DYNC2H1: variants seen among roughly 807,000 people sequenced by gnomAD.
The protein encoded by DYNC2H1 is cytoplasmic dynein 2 heavy chain 1.
In DYNC2H1, 410 loss-of-function variants were observed where a neutral mutation model predicts 570.0. The observed-to-expected ratio is 0.72, with a 90% confidence interval of 0.66 to 0.78. The LOEUF (loss-of-function observed/expected upper bound fraction) is 0.78. Ranked by LOEUF, DYNC2H1 falls within the 30% of genes least tolerant of loss-of-function variation. The probability of loss-of-function intolerance (pLI) is 0.00; values close to 1 mark genes in which losing one functional copy is unlikely to be tolerated. For synonymous variants in DYNC2H1, 1,688 were observed against 1,677.6 expected, an observed-to-expected ratio of 1.01 and a Z score of -0.15; for missense variants, 4,865 against 5,046.4, an observed-to-expected ratio of 0.96 and a Z score of 1.09.
intron 83 of DYNC2H1, among the ~76,000 whole-genome samples, chr11:103,360,530 A>T (rs1940588023): frequency 1.3e-5 from 2 of 152,174 alleles, no homozygotes; most frequent in Non-Finnish European, 2.9e-5. Flanking sequence ...TTAACTACTC[A>T]TTTAACATTT....
rs1331454489 is a variant in DYNC2H1, at chr11:103,243,747, A to C, written c.9874A>C (p.Lys3292Gln). ...DPSSQATEWLKTHLKDSRLEV... is the reference protein window; with the variant it reads ...DPSSQATEWLQTHLKDSRLEV... ...TTCTTCCCAAGCTACAGAGTGGTTA[A>C]AAACACATTTGAAAGACTCACGTTT... The change falls in exon 64 of 89, where the codon AAA becomes CAA. Residue 3292 changes from lysine to glutamine, a missense_variant. Transcript: ENST00000375735. This position sits in a 1 kb window ranked among gnomAD's most constrained non-coding sequence, Gnocchi z 4.8. The C allele has an allele frequency of 3.7e-6, 6 of 1,606,682 alleles. No individual in the cohort carries two copies. Among genetic ancestry groups the C allele is most frequent in the Non-Finnish European group, 5.1e-6 (6 of 1,176,138 alleles).
At chr11:103,301,349 C>T (rs1473135384) in intron 75 of DYNC2H1, among the ~76,000 whole-genome samples, 1 of 151,872 alleles carries the variant, frequency 6.6e-6, no homozygotes, top group Non-Finnish European at 1.5e-5. Flanking sequence ...ATTTTAATTA[C>T]TGATCAAGGC....
rs924565644 is a variant in DYNC2H1 at position 103,177,603 on chromosome 11, A to T, written c.5922A>T (p.Gly1974=). Residue 1974 remains glycine (G), a synonymous_variant, in exon 38 of 89, where the codon GGA becomes GGT. Transcript: ENST00000375735. The surrounding 1 kb of genome is among the most constrained non-coding windows in gnomAD (Gnocchi z 4.4). Reference sequence around the variant, plus strand: ...ATGAACAGTTATGCCAGAGGATGGGAGTTGTTATTGTTGGTCCAAGTGGTG... The same window carrying T: ...ATGAACAGTTATGCCAGAGGATGGGTGTTGTTATTGTTGGTCCAAGTGGTG... ...ELYEQLCQRM[G]VVIVGPSGAG... 1 of 1,612,996 alleles carries T rather than the reference A, an allele frequency of 6.2e-7. No homozygotes were observed. The highest frequency in any genetic ancestry group is 2.2e-5 in the East Asian group (1 of 44,830).
intron 84 of DYNC2H1, among the ~76,000 whole-genome samples, chr11:103,415,255 G>C (rs1943241664): frequency 6.6e-6 from 1 of 152,098 alleles, no homozygotes; most frequent in Admixed American, 6.6e-5. Context: ...CATAGGCATG[G>C]GCAAGGACTT....
chr11:103,187,337 T>C lies in DYNC2H1; in HGVS notation c.6894-3T>C, dbSNP rs779114291. ...AAAGTCAGATGTCATGCATTTTTCG[T>C]AGGATGCTGCTCAGGTACGCATTTT... is the stretch of plus-strand genomic sequence containing the variant. On this transcript the variant is annotated splice_polypyrimidine_tract_variant and splice_region_variant and intron_variant, in intron 42 of 88. Coordinates refer to ENST00000375735, the MANE Select transcript of DYNC2H1 (RefSeq NM_001377.3). The C allele has an allele frequency of 6.2e-7, 1 of 1,612,632 alleles. No homozygotes were observed. Among genetic ancestry groups the C allele is most frequent in the Non-Finnish European group, 8.5e-7 (1 of 1,179,138 alleles).
At chr11:103,300,179 A>G (rs991606741) in intron 75 of DYNC2H1, among the ~76,000 whole-genome samples, 3 of 152,020 alleles carry the variant, frequency 2.0e-5, no homozygotes, top group Non-Finnish European at 4.4e-5. Context: ...ACGGGAGTCA[A>G]TTTGTTCCTT....
At chr11:103,417,378 G>C (rs185853428) in intron 84 of DYNC2H1, among the ~76,000 whole-genome samples, 217 of 152,238 alleles carry the variant, frequency 1.4e-3, no homozygotes, top group African/African-American at 4.9e-3. Flanking sequence ...TAGGATTACA[G>C]GCGTGAGCCA....
At position 103,153,334 on chromosome 11, in the gene DYNC2H1, GT is replaced by G; in HGVS notation, c.3129del (p.Leu1044PhefsTer18). ...GTGATGAAAGGAAATGTGAAATCAC[GT>G]CTTCAGATCTATTATCAAGAACTGG... is the stretch of plus-strand genomic sequence containing the variant. ...IEVMKGNVKS[R>X]LQIYYQELEK... On this transcript the variant is annotated frameshift_variant, in exon 22 of 89. Transcript: ENST00000375735. LOFTEE classifies it high-confidence loss of function. The G allele has an allele frequency of 1.3e-6, 2 of 1,540,802 alleles. No homozygotes were observed. The highest frequency in any genetic ancestry group is 1.7e-6 in the Non-Finnish European group (2 of 1,144,296).
chr11:103,207,807 G>GATCAGATTTT (rs1862999257), intron 52 of DYNC2H1, among the ~76,000 whole-genome samples: 1 of 152,248 alleles, frequency 6.6e-6, no homozygotes, highest in South Asian at 2.1e-4. Context: ...ACTTAGATTT[G>GATCAGATTTT]ATCAGAATTG....
intron 3 of DYNC2H1, among the ~76,000 whole-genome samples, chr11:103,114,922 T>C (rs542642503): frequency 1.3e-5 from 2 of 152,214 alleles, no homozygotes; most frequent in African/African-American, 4.8e-5. Flanking sequence ...TTTAGCACTT[T>C]TTTGGGGGCC....
In DYNC2H1 at chr11:103,117,682, G is replaced by T. The variant is rs2134701487; in HGVS notation, c.818G>T (p.Trp273Leu). The T allele has an allele frequency of 6.2e-7, 1 of 1,611,402 alleles. No homozygotes were observed. The highest frequency in any genetic ancestry group is 2.2e-5 in the East Asian group (1 of 44,824). ...VQKKLGTLNL[W>L]EDPYYLVKES... ...AAAAAGTTGGGAACTTTGAACCTGTGGGAAGATCCTTATTATCTTGTGAAA... is the reference window on the plus strand; with the variant it reads ...AAAAAGTTGGGAACTTTGAACCTGTTGGAAGATCCTTATTATCTTGTGAAA... Residue 273 changes from tryptophan (W) to leucine (L), a missense_variant, in exon 6 of 89, where the codon TGG (tryptophan) becomes TTG (leucine). Transcript: ENST00000375735.
rs1937868699 is a variant in DYNC2H1 at position 103,316,745 on chromosome 11, A to AT, written c.11725+131dup. 7.6e-6 allele frequency: 5 copies of AT among 661,596 alleles called. 1 individual carries two copies. The highest frequency in any genetic ancestry group is 9.4e-6 in the Non-Finnish European group (4 of 424,364). 41.0% of individuals were successfully genotyped at this position (661,596 alleles called of 1,614,324 possible). A position where few individuals can be genotyped will look rare whatever the true frequency, so the allele number is the denominator to read the frequency against. Reference sequence around the variant, plus strand: ...AAAATTTGCTTGTGCTTTTTATTTTATTTTTTATTTGACTTCTATACCTGT... The same window carrying AT: ...AAAATTTGCTTGTGCTTTTTATTTTATTTTTTTATTTGACTTCTATACCTGT... On this transcript the variant is annotated intron_variant, in intron 80 of 88. Transcript: ENST00000375735.
chr11:103,276,733 G>A (rs1296861283), intron 70 of DYNC2H1, among the ~76,000 whole-genome samples: 1 of 151,728 alleles, frequency 6.6e-6, no homozygotes, highest in Admixed American at 6.6e-5. Flanking sequence ...ATTTTGTTTT[G>A]ATTATTATTT....
rs1012999296 is a variant in DYNC2H1, at chr11:103,275,375, CA to C, written c.10696-4972del. Among the ~76,000 whole-genome samples, 2 of 152,122 alleles carry C rather than the reference CA, an allele frequency of 1.3e-5. No individual in the cohort carries two copies. Among genetic ancestry groups the C allele is most frequent in the Non-Finnish European group, 2.9e-5 (2 of 68,012 alleles). On this transcript the variant is annotated intron_variant, in intron 70 of 88. Coordinates refer to ENST00000375735, the MANE Select transcript of DYNC2H1 (RefSeq NM_001377.3). This position sits in a 1 kb window ranked among gnomAD's most constrained non-coding sequence, Gnocchi z 4.8. ...CTAATCACCTGAAGTTCATAGTTTA[CA>C]TTAAAGTTCACTCTTGGTATTGTAC...
At chr11:103,250,436 T>C (rs1311788059) in intron 65 of DYNC2H1, among the ~76,000 whole-genome samples, 2 of 152,120 alleles carry the variant, frequency 1.3e-5, no homozygotes, top group East Asian at 1.9e-4. Flanking sequence ...TGGACTCCTA[T>C]TGATCACGTC....
Position 103,156,448 on chromosome 11 carries a change from C to CT in DYNC2H1, c.3808dup (p.Trp1270LeufsTer11). The CT allele has an allele frequency of 6.2e-7, 1 of 1,613,628 alleles. No homozygotes were observed. Among genetic ancestry groups the CT allele is most frequent in the Non-Finnish European group, 8.5e-7 (1 of 1,179,702 alleles). On this transcript the variant is annotated frameshift_variant, in exon 26 of 89. Transcript: ENST00000375735. LOFTEE classifies it high-confidence loss of function. ...CAGAGAAGCTTTACGTGAACTTGAT[C>CT]TTTGGGGAGTTGGAGCAGTGTTTAC...
intron 17 of DYNC2H1, among the ~76,000 whole-genome samples, chr11:103,136,541 C>G (rs974172320): frequency 6.6e-6 from 1 of 152,114 alleles, no homozygotes; most frequent in African/African-American, 2.4e-5. Context: ...CATGTCCCTA[C>G]AAAAGACATG....
intron 84 of DYNC2H1, among the ~76,000 whole-genome samples, chr11:103,412,636 T>C (rs1943132665): frequency 6.6e-6 from 1 of 152,180 alleles, no homozygotes; most frequent in South Asian, 2.1e-4. Flanking sequence ...AAATGGCTCT[T>C]CAATTTTTTA....
intron 82 of DYNC2H1, among the ~76,000 whole-genome samples, chr11:103,336,985 A>T (rs370538757): frequency 1.6e-4 from 25 of 152,284 alleles, no homozygotes; most frequent in African/African-American, 5.8e-4. Flanking sequence ...CAGCACTGTG[A>T]CATGTTCGTG....
Sources: gnomAD v4.1 joint callset for allele counts (sites outside exome capture counted in the v4.1 genomes callset) on GRCh38, gnomAD v4.1.1 for gene constraint, Gnocchi (gnomAD v3.1) non-coding constraint, MANE v1.5 for transcripts, NCBI Gene and HGNC (gene_info 2026-07-23, HGNC 2026-07-21) for gene names.